Variants in ARB2A observed in about 807,000 individuals in gnomAD.
ARB2A encodes ARB2 cotranscriptional regulator A, also known as cotranscriptional regulator ARB2A.
At chr5:93,849,957 G>A in the ARB2A span, among the ~76,000 whole-genome samples, 28 of 152,252 alleles carry the variant, frequency 1.8e-4, no homozygotes, top group Admixed American at 1.7e-3. Flanking sequence ...TGTGCAAAAT[G>A]CTTAGTATGT....
At chr5:93,802,863 T>G in the ARB2A span, among the ~76,000 whole-genome samples, 1 of 152,074 alleles carries the variant, frequency 6.6e-6, no homozygotes, top group East Asian at 1.9e-4. Flanking sequence ...AGAAGCATAA[T>G]GATGGCAAGA....
At chr5:93,898,853 C>T in the ARB2A span, among the ~76,000 whole-genome samples, 3 of 152,034 alleles carry the variant, frequency 2.0e-5, no homozygotes, top group Admixed American at 1.3e-4. Context: ...TACCATGTGA[C>T]ATGTACATAA....
chr5:93,972,229 T>C, the ARB2A span, among the ~76,000 whole-genome samples: 4 of 152,136 alleles, frequency 2.6e-5, no homozygotes, highest in South Asian at 2.1e-4. Context: ...AATTAAGTGC[T>C]ACCTACTGAC....
chr5:93,667,596 C>T, the ARB2A span, among the ~76,000 whole-genome samples: 1 of 152,122 alleles, frequency 6.6e-6, no homozygotes, highest in Non-Finnish European at 1.5e-5. Flanking sequence ...GCTGGGACTA[C>T]AGGCATGTGC....
chr5:93,807,115 C>T, the ARB2A span, among the ~76,000 whole-genome samples: 4 of 151,994 alleles, frequency 2.6e-5, no homozygotes, highest in Non-Finnish European at 5.9e-5. Context: ...CAGAATCCTA[C>T]ATTTGTCTTA....
chr5:93,694,811 A>C, the ARB2A span, among the ~76,000 whole-genome samples: 1 of 152,334 alleles, frequency 6.6e-6, no homozygotes, highest in Admixed American at 6.5e-5. Flanking sequence ...ACAGTAACCA[A>C]AACAGCACGG....
At chr5:93,800,635 G>A in the ARB2A span, among the ~76,000 whole-genome samples, 1 of 152,044 alleles carries the variant, frequency 6.6e-6, no homozygotes, top group East Asian at 1.9e-4. Flanking sequence ...TGTTATTAAT[G>A]TCCTTAGAGA....
the ARB2A span, among the ~76,000 whole-genome samples, chr5:93,749,704 T>G: frequency 6.6e-6 from 1 of 152,154 alleles, no homozygotes. Context: ...TCCTGGTAAA[T>G]GCTGACATAC....
chr5:93,865,963 T>G, the ARB2A span: 1 of 985,262 alleles, frequency 1.0e-6, no homozygotes, highest in Non-Finnish European at 1.2e-6. Flanking sequence ...ACTCCAGGGG[T>G]TGCTAGTAAG....
the ARB2A span, among the ~76,000 whole-genome samples, chr5:93,921,286 C>A: frequency 1.3e-5 from 2 of 151,784 alleles, no homozygotes; most frequent in Non-Finnish European, 2.9e-5. Context: ...TATGTGACTG[C>A]AGGATTGCTA....
the ARB2A span, among the ~76,000 whole-genome samples, chr5:93,851,525 C>G: frequency 1.3e-5 from 2 of 152,228 alleles, no homozygotes; most frequent in Admixed American, 1.3e-4. Flanking sequence ...CACATGTATA[C>G]ATGTGCCATG....
chr5:93,903,709 CTG>C, the ARB2A span, among the ~76,000 whole-genome samples: 15,347 of 144,126 alleles, frequency 0.11, 883 homozygotes, highest in Middle Eastern at 0.19. Flanking sequence ...TTCTATATAT[CTG>C]TGTGTGTGTG....
the ARB2A span, among the ~76,000 whole-genome samples, chr5:93,641,754 T>C: frequency 6.6e-6 from 1 of 152,220 alleles, no homozygotes; most frequent in African/African-American, 2.4e-5. Flanking sequence ...TAGTAAACAT[T>C]TTAAAAATAT....
At chr5:94,107,093 A>C in the ARB2A span, among the ~76,000 whole-genome samples, 1 of 152,110 alleles carries the variant, frequency 6.6e-6, no homozygotes, top group African/African-American at 2.4e-5. Flanking sequence ...TTTAAAAATG[A>C]AATAAAAACT....
chr5:93,669,323 A>C, the ARB2A span, among the ~76,000 whole-genome samples: 3 of 152,226 alleles, frequency 2.0e-5, no homozygotes, highest in African/African-American at 7.2e-5. Flanking sequence ...CAAATGTAAC[A>C]CTTAAATGGT....
chr5:93,937,436 A>AT, the ARB2A span, among the ~76,000 whole-genome samples: 12,596 of 150,094 alleles, frequency 0.084, 733 homozygotes, highest in Middle Eastern at 0.15. Context: ...CCCCATCTCT[A>AT]TTAAAAAAAA....
At chr5:93,871,484 A>C in the ARB2A span, among the ~76,000 whole-genome samples, 1 of 152,184 alleles carries the variant, frequency 6.6e-6, no homozygotes, top group African/African-American at 2.4e-5. Context: ...GAATATACAA[A>C]ATTATCTGAA....
chr5:93,982,201 A>T, the ARB2A span, among the ~76,000 whole-genome samples: 1 of 152,134 alleles, frequency 6.6e-6, no homozygotes, highest in Non-Finnish European at 1.5e-5. Context: ...CTCCTTTGTC[A>T]GGTCTCATTT....
chr5:93,621,113 C>G, the ARB2A span: 1 of 1,611,790 alleles, frequency 6.2e-7, no homozygotes, highest in South Asian at 1.1e-5. Flanking sequence ...AGGAAGTTAG[C>G]TCGTGACGGT....
Sources: allele counts gnomAD v4.1 joint callset (sites outside exome capture counted in the v4.1 genomes callset), GRCh38; gene constraint gnomAD v4.1.1; transcripts MANE v1.5; gene names NCBI Gene and HGNC (gene_info 2026-07-23, HGNC 2026-07-21).